ERP27: variants seen among roughly 807,000 people sequenced by gnomAD.
The protein encoded by ERP27 is endoplasmic reticulum resident protein 27.
A neutral mutation model predicts 27.7 loss-of-function variants in ERP27; 23 were observed. That is an observed-to-expected ratio of 0.83 (90% CI 0.60 to 1.18). ERP27 has a LOEUF of 1.18. ERP27 is among the 50% of genes most tolerant of loss of function. The probability of loss-of-function intolerance (pLI) is 0.00; values close to 1 mark genes in which losing one functional copy is unlikely to be tolerated. For synonymous variants in ERP27, 159 were observed against 118.3 expected, an observed-to-expected ratio of 1.34 and a Z score of -2.23; for missense variants, 363 against 327.9, an observed-to-expected ratio of 1.11 and a Z score of -0.83.
chr12:14,922,364 CA>C (rs1478872565), intron 3 of ERP27, among the ~76,000 whole-genome samples: 1 of 152,108 alleles, frequency 6.6e-6, no homozygotes, highest in Admixed American at 6.5e-5. Flanking sequence ...GTTTTAATTG[CA>C]TTTCTCTCAT....
At chr12:14,932,312 C>T (rs952136041) in intron 3 of ERP27, among the ~76,000 whole-genome samples, 2 of 152,034 alleles carry the variant, frequency 1.3e-5, no homozygotes, top group African/African-American at 4.8e-5. Context: ...TTGGAGATTC[C>T]AGAGATATTT....
chr12:14,915,513 A>G lies in ERP27; in HGVS notation c.750T>C (p.Asp250=), dbSNP rs764513558. ...VSVEHVQNFC[D]GFLSGKLLKE... is the part of the protein sequence containing the mutation. ...CCAACAATTTTCCACTTAGGAATCC[A>G]TCACAAAAGTTTTGCACATGCTCTA... Residue 250 remains aspartate, a synonymous_variant, in exon 6 of 7, where the codon GAT becomes GAC. Coordinates refer to ENST00000266397, the MANE Select transcript of ERP27 (RefSeq NM_152321.4). 8.7e-6 allele frequency: 14 copies of G among 1,614,114 alleles called. No homozygotes were observed. The highest frequency in any genetic ancestry group is 1.3e-5 in the African/African-American group (1 of 75,072).
At chr12:14,931,910 A>T (rs376028137) in intron 3 of ERP27, among the ~76,000 whole-genome samples, 1 of 152,340 alleles carries the variant, frequency 6.6e-6, no homozygotes, top group East Asian at 1.9e-4. Context: ...CAATGGCAAC[A>T]CGAAAGGCAT....
intron 2 of ERP27, among the ~76,000 whole-genome samples, chr12:14,935,548 G>A (rs557421292): frequency 7.2e-5 from 11 of 152,166 alleles, no homozygotes; most frequent in Non-Finnish European, 1.0e-4. Context: ...TAACTATGTA[G>A]TGCTACAGAT....
Position 14,914,583 on chromosome 12 carries a change from T to TGTGTGCACGCGTGCGTGC in ERP27, c.*151_*152insGCACGCACGCGTGCACAC, listed in dbSNP as rs1863377474. On this transcript the variant is annotated 3_prime_UTR_variant, in exon 7 of 7. Transcript: ENST00000266397. Reference sequence around the variant, plus strand: ...CTGTGTGTGTGTGTGTGTGTGCGTGTGTGTGTGCACGCGTGCGTGCGTGTG... The same window carrying TGTGTGCACGCGTGCGTGC: ...CTGTGTGTGTGTGTGTGTGTGCGTGTGTGTGCACGCGTGCGTGCGTGTGTGCACGCGTGCGTGCGTGTG... 2 of 551,530 alleles carry TGTGTGCACGCGTGCGTGC rather than the reference T, an allele frequency of 3.6e-6. No individual in the cohort carries two copies. Among genetic ancestry groups the TGTGTGCACGCGTGCGTGC allele is most frequent in the Non-Finnish European group, 6.4e-6 (2 of 311,218 alleles). 34.2% of individuals were successfully genotyped at this position (551,530 alleles called of 1,614,324 possible). A position where few individuals can be genotyped will look rare whatever the true frequency, so the allele number is the denominator to read the frequency against.
Position 14,931,088 on chromosome 12 carries a change from G to A in ERP27, c.333+3768C>T, listed in dbSNP as rs189716345. On this transcript the variant is annotated intron_variant, in intron 3 of 6. Transcript: ENST00000266397. ...GGTATGATTTGTAGACAGCAATGCT[G>A]GGTACGAATCAGACATCTGTTACTT... Among the ~76,000 whole-genome samples the A allele has an allele frequency of 5.5e-3, 839 of 152,240 alleles. 31 individuals carry two copies. Among genetic ancestry groups the A allele is most frequent in the Admixed American group, 0.05 (766 of 15,282 alleles).
intron 4 of ERP27, among the ~76,000 whole-genome samples, chr12:14,920,446 AT>A (rs1185917401): frequency 1.3e-5 from 2 of 152,344 alleles, no homozygotes; most frequent in East Asian, 3.9e-4. Flanking sequence ...TGACATCCAA[AT>A]ATGTGATCAG....
intron 2 of ERP27, among the ~76,000 whole-genome samples, chr12:14,936,331 G>C (rs145378696): frequency 6.6e-6 from 1 of 152,150 alleles, no homozygotes; most frequent in Admixed American, 6.5e-5. Flanking sequence ...TGCTGTTCAC[G>C]CATTCAACTC....
chr12:14,917,862 C>A (rs11610243), intron 4 of ERP27, among the ~76,000 whole-genome samples: 13 of 152,250 alleles, frequency 8.5e-5, no homozygotes, highest in Middle Eastern at 3.4e-3. Flanking sequence ...AATTGGATGA[C>A]CTGCAGAAAC....
rs3084565 is a variant in ERP27 at position 14,927,744 on chromosome 12, G to GCACACACACACA, written c.334-6708_334-6697dup. Among the ~76,000 whole-genome samples, 4 of 148,216 alleles carry GCACACACACACA rather than the reference G, an allele frequency of 2.7e-5. No individual in the cohort carries two copies. In the South Asian group the frequency reaches 6.5e-4, roughly 24 times the overall value. ...TTTACTGGCTCTCTAATGCCTTCAG[G>GCACACACACACA]CACACACACACACACACACACACAC... On this transcript the variant is annotated intron_variant, in intron 3 of 6. Transcript: ENST00000266397.
rs571359709 is a variant in ERP27, at chr12:14,925,301, G to A, written c.334-4253C>T. On this transcript the variant is annotated intron_variant, in intron 3 of 6. Coordinates refer to ENST00000266397, the MANE Select transcript of ERP27 (RefSeq NM_152321.4). ...CCCCTGACCCAAAGGCTAACTTTGG[G>A]TAAGTGATGGGGTTCAGTTATATCA... Among the ~76,000 whole-genome samples, 26 of 152,268 alleles carry A rather than the reference G, an allele frequency of 1.7e-4. No individual in the cohort carries two copies. The South Asian group carries it at 2.7e-3, about 16-fold the overall frequency.
At chr12:14,926,152 A>G (rs1437780516) in intron 3 of ERP27, among the ~76,000 whole-genome samples, 1 of 152,152 alleles carries the variant, frequency 6.6e-6, no homozygotes, top group Non-Finnish European at 1.5e-5. Context: ...TTCTGCTTAT[A>G]TAGTATCAGT....
intron 3 of ERP27, among the ~76,000 whole-genome samples, chr12:14,927,026 G>T (rs948548771): frequency 2.0e-5 from 3 of 152,092 alleles, no homozygotes; most frequent in South Asian, 4.1e-4. Flanking sequence ...TTTGAAGGCT[G>T]TTTTTGCTGG....
At chr12:14,923,486 A>AT (rs1565450633) in intron 3 of ERP27, among the ~76,000 whole-genome samples, 2 of 118,286 alleles carry the variant, frequency 1.7e-5, no homozygotes, top group African/African-American at 6.3e-5. Context: ...CTATCTATCT[A>AT]TAATCAATCT....
intron 3 of ERP27, among the ~76,000 whole-genome samples, chr12:14,921,991 G>C (rs1367564346): frequency 2.0e-5 from 3 of 152,042 alleles, no homozygotes; most frequent in African/African-American, 7.2e-5. Context: ...GCTGTAGTTT[G>C]TTCATCTTCC....
At chr12:14,920,828 G>C (rs879498419) in intron 4 of ERP27, 104 bp downstream of exon 4, 19 of 808,932 alleles carry the variant, frequency 2.3e-5, no homozygotes, top group Non-Finnish European at 3.8e-5. Context: ...GTATTGTATT[G>C]GTCGAAGAAT....
intron 1 of ERP27, 105 bp from the exon 2 acceptor site, chr12:14,938,157 C>T (rs1011323616): frequency 1.1e-6 from 1 of 946,192 alleles, no homozygotes; most frequent in South Asian, 1.5e-5. Flanking sequence ...GCAAGAAGAG[C>T]ACAATTTATA....
chr12:14,918,557 C>T lies in ERP27; in HGVS notation c.451-1254G>A, dbSNP rs563540060. Among the ~76,000 whole-genome samples, 18 of 148,564 alleles carry T rather than the reference C, an allele frequency of 1.2e-4. No homozygotes were observed. In the East Asian group the frequency reaches 3.3e-3, roughly 27 times the overall value. On this transcript the variant is annotated intron_variant, in intron 4 of 6. Coordinates refer to ENST00000266397, the MANE Select transcript of ERP27 (RefSeq NM_152321.4). Reference sequence around the variant, plus strand: ...CGAGTCTACTTCAAACCAATCTCATCTCTTTTCACCTCTCCTAAATTCAGA... The same window carrying T: ...CGAGTCTACTTCAAACCAATCTCATTTCTTTTCACCTCTCCTAAATTCAGA...
rs760214627 is a variant in ERP27, at chr12:14,938,021, C to T, written c.126G>A (p.Trp42Ter). 9.3e-6 allele frequency: 15 copies of T among 1,614,078 alleles called. No individual in the cohort carries two copies. The highest frequency in any genetic ancestry group is 2.7e-5 in the African/African-American group (2 of 75,028). The change falls in exon 2 of 7, where the codon TGG becomes TGA. Residue 42 changes from tryptophan to a stop codon, truncating the protein, a stop_gained. Transcript: ENST00000266397. LOFTEE classifies it high-confidence loss of function. ...CCATGGCAGCTGGGACATCTGTGAG[C>T]CACGTGGGTTCCTGGGCAGCACCAG... ...DGPGAAQEPT[W>*]LTDVPAAMEF...
Sources: gnomAD v4.1 joint callset for allele counts (sites outside exome capture counted in the v4.1 genomes callset) on GRCh38, gnomAD v4.1.1 for gene constraint, MANE v1.5 for transcripts, NCBI Gene and HGNC (gene_info 2026-07-23, HGNC 2026-07-21) for gene names.